AKAP6: variants seen among roughly 807,000 people sequenced by gnomAD.
AKAP6 encodes the protein A-kinase anchoring protein 6, also known as A-kinase anchor protein 6.
Under a neutral mutation model 188.5 loss-of-function variants are expected in AKAP6, and 58 were observed. The observed-to-expected ratio is 0.31, with a 90% CI of 0.25 to 0.38. The LOEUF (loss-of-function observed/expected upper bound fraction) is 0.38, where lower values mean the gene tolerates loss of function less well. Among genes scored for constraint, AKAP6 ranks in the 10% least tolerant of loss-of-function variants. AKAP6 has a pLI of 1.00. For missense variants in AKAP6, 2,710 were observed against 2,740.0 expected (o/e 0.99, Z 0.24); for synonymous variants, 989 against 998.6 (o/e 0.99, Z 0.18).
chr14:32,788,035 C>T (rs1001881212), intron 12 of AKAP6, among the ~76,000 whole-genome samples: 2 of 67,406 alleles, frequency 3.0e-5, no homozygotes, highest in African/African-American at 4.9e-5. Context: ...AGTGAGACCC[C>T]ATCTCAAAAA....
intron 2 of AKAP6, among the ~76,000 whole-genome samples, chr14:32,530,085 G>A (rs922597653): frequency 1.3e-5 from 2 of 150,502 alleles, no homozygotes; most frequent in Non-Finnish European, 2.9e-5. Context: ...GGAGTACAGC[G>A]GTACGATCAT....
At chr14:32,496,291 A>G (rs149235458) in intron 2 of AKAP6, among the ~76,000 whole-genome samples, 139 of 152,232 alleles carry the variant, frequency 9.1e-4, no homozygotes, top group African/African-American at 3.2e-3. Context: ...TCTTTTTTGC[A>G]TGTCAGGTTC....
chr14:32,651,082 G>T (rs917899554), intron 7 of AKAP6, among the ~76,000 whole-genome samples: 4 of 152,146 alleles, frequency 2.6e-5, no homozygotes, highest in African/African-American at 9.7e-5. Context: ...TTTGGGACTT[G>T]TGTAGGTTAT....
intron 7 of AKAP6, among the ~76,000 whole-genome samples, chr14:32,647,517 T>A (rs1177217049): frequency 6.6e-6 from 1 of 152,094 alleles, no homozygotes; most frequent in Non-Finnish European, 1.5e-5. Context: ...TATCTTCTAA[T>A]AGGAAGACTG....
intron 1 of AKAP6, among the ~76,000 whole-genome samples, chr14:32,410,551 C>T (rs975581535): frequency 3.3e-5 from 5 of 152,148 alleles, no homozygotes; most frequent in African/African-American, 7.2e-5. Context: ...AGGGCTGTGT[C>T]ACAGGCCATG....
intron 12 of AKAP6, among the ~76,000 whole-genome samples, chr14:32,815,836 A>G (rs2284899): frequency 0.079 from 12,013 of 152,206 alleles, 552 homozygotes; most frequent in South Asian, 0.22. Flanking sequence ...AGCTCCCAAC[A>G]GTCTATAAGG....
At chr14:32,768,547 A>G (rs939458045) in intron 11 of AKAP6, among the ~76,000 whole-genome samples, 1 of 152,182 alleles carries the variant, frequency 6.6e-6, no homozygotes, top group Non-Finnish European at 1.5e-5. Context: ...TCATTGATTC[A>G]CTCATTTCTT....
In AKAP6 at chr14:32,546,799, C is replaced by A. The variant is rs1248851344; in HGVS notation, c.2146C>A (p.Pro716Thr). The change falls in exon 4 of 14, where the codon CCC becomes ACC. Residue 716 changes from proline to threonine, a missense_variant. By Grantham distance (38) the Pro-to-Thr change is conservative. This residue lies in a region of AKAP6 where 2,473 missense variants were observed against 2,426.1 expected (regional missense o/e 1.02). Transcript: ENST00000280979. ...ACTAGGGGAGAGCATTGAATCTGGG[C>A]CCCTGAGTGACATTCTTTCTGATGA... is the stretch of plus-strand genomic sequence containing the variant. ...SSLGESIESGPLSDILSDEES... is the reference protein window; with the variant it reads ...SSLGESIESGTLSDILSDEES... 8 of 1,613,884 alleles carry A rather than the reference C, an allele frequency of 5.0e-6. No homozygotes were observed. Among genetic ancestry groups the A allele is most frequent in the African/African-American group, 1.3e-5 (1 of 74,880 alleles).
intron 7 of AKAP6, among the ~76,000 whole-genome samples, chr14:32,638,070 G>C (rs1005999448): frequency 6.6e-6 from 1 of 152,058 alleles, no homozygotes; most frequent in Non-Finnish European, 1.5e-5. Flanking sequence ...GCTTGGAAAA[G>C]GCTATAAGAA....
At chr14:32,338,304 G>A (rs1245698853) in intron 1 of AKAP6, among the ~76,000 whole-genome samples, 2 of 152,202 alleles carry the variant, frequency 1.3e-5, no homozygotes, top group East Asian at 3.9e-4. Context: ...ACAAGAAGTA[G>A]TAAATTGAGT....
intron 7 of AKAP6, among the ~76,000 whole-genome samples, chr14:32,601,658 A>T (rs140891085): frequency 3.2e-4 from 48 of 152,352 alleles, no homozygotes; most frequent in African/African-American, 1.2e-3. Context: ...TGGGGGAAAC[A>T]TATTTAAGAG....
intron 4 of AKAP6, among the ~76,000 whole-genome samples, chr14:32,569,822 G>A (rs192314678): frequency 1.1e-4 from 17 of 152,252 alleles, no homozygotes; most frequent in Admixed American, 9.8e-4. Context: ...GGATCATGAT[G>A]TCCTTTAGCT....
At chr14:32,462,910 A>AC (rs1891384164) in intron 2 of AKAP6, among the ~76,000 whole-genome samples, 3 of 134,854 alleles carry the variant, frequency 2.2e-5, no homozygotes, top group Admixed American at 7.3e-5. Context: ...GCAAAAAAAA[A>AC]AAAAAAAAAA....
chr14:32,801,707 C>G (rs768953406), intron 12 of AKAP6, among the ~76,000 whole-genome samples: 3 of 152,054 alleles, frequency 2.0e-5, no homozygotes, highest in Non-Finnish European at 4.4e-5. Flanking sequence ...ATGAAACCAC[C>G]CAGGTTTTGT....
rs533111794 is a variant in AKAP6 at position 32,766,667 on chromosome 14, T to C, written c.3373-7011T>C. On this transcript the variant is annotated intron_variant, in intron 11 of 13. Transcript: ENST00000280979. ...TGCAGAAATGTCTATTCAAATACTT[T>C]GTCCATTTAAAAAATTGAGTTACTG... Among the ~76,000 whole-genome samples the C allele has an allele frequency of 3.3e-4, 51 of 152,310 alleles. 2 individuals are homozygous for C. The South Asian group carries it at 0.011, about 32-fold the overall frequency.
At chr14:32,708,531 G>C (rs1019159855) in intron 9 of AKAP6, among the ~76,000 whole-genome samples, 3 of 151,966 alleles carry the variant, frequency 2.0e-5, no homozygotes, top group African/African-American at 7.2e-5. Flanking sequence ...TCTAATACCA[G>C]GAGAGGGCTG....
intron 11 of AKAP6, among the ~76,000 whole-genome samples, chr14:32,765,533 G>GTTTATGTTT (rs760589323): frequency 1.6e-4 from 24 of 151,946 alleles, no homozygotes; most frequent in Non-Finnish European, 3.2e-4. Flanking sequence ...TTACTTTTAT[G>GTTTATGTTT]TTTATGTTTT....
intron 2 of AKAP6, among the ~76,000 whole-genome samples, chr14:32,466,815 G>C (rs1878475257): frequency 1.2e-5 from 1 of 82,454 alleles, no homozygotes; most frequent in South Asian, 4.0e-4. Context: ...AATATAAGCT[G>C]TAAAAACAAG....
chr14:32,336,717 AC>A (rs1222720580), intron 1 of AKAP6, among the ~76,000 whole-genome samples: 1 of 152,086 alleles, frequency 6.6e-6, no homozygotes, highest in Non-Finnish European at 1.5e-5. Flanking sequence ...ATAACTCATT[AC>A]TTTTGCTGGC....
Sources: allele counts gnomAD v4.1 joint callset (sites outside exome capture counted in the v4.1 genomes callset), GRCh38; gene constraint gnomAD v4.1.1; regional missense constraint gnomAD v4.1.1; transcripts MANE v1.5; gene names NCBI Gene and HGNC (gene_info 2026-07-23, HGNC 2026-07-21).